PTPN1: variants seen among roughly 807,000 people sequenced by gnomAD.
PTPN1 encodes protein tyrosine phosphatase non-receptor type 1, also known as tyrosine-protein phosphatase non-receptor type 1.
In PTPN1, 12 loss-of-function variants were observed where a neutral mutation model predicts 59.9. The observed-to-expected ratio is 0.20, with a 90% CI of 0.13 to 0.32. The LOEUF (loss-of-function observed/expected upper bound fraction) is 0.32, where lower values mean the gene tolerates loss of function less well. PTPN1 is among the 10% of genes least tolerant of loss of function. The probability of loss-of-function intolerance (pLI) is 1.00; values close to 1 mark genes in which losing one functional copy is unlikely to be tolerated. For synonymous variants in PTPN1, 178 were observed against 203.6 expected, an observed-to-expected ratio of 0.87 and a Z score of 1.07; for missense variants, 356 against 549.2, an observed-to-expected ratio of 0.65 and a Z score of 3.52.
chr20:50,567,390 G>C (rs576942493), intron 3 of PTPN1, among the ~76,000 whole-genome samples: 10 of 152,020 alleles, frequency 6.6e-5, no homozygotes, highest in Non-Finnish European at 1.2e-4. Context: ...TTGCGCCCCT[G>C]TACTCCAGCC....
At chr20:50,519,028 C>T (rs2082540497) in intron 1 of PTPN1, among the ~76,000 whole-genome samples, 1 of 152,172 alleles carries the variant, frequency 6.6e-6, no homozygotes, top group African/African-American at 2.4e-5. Context: ...GTCTTACTGA[C>T]AGTTTTTCTT....
rs576296803 is a variant in PTPN1, at chr20:50,581,259, C to T, written c.1089-6C>T. The T allele has an allele frequency of 1.0e-5, 16 of 1,588,374 alleles. No homozygotes were observed. The highest frequency in any genetic ancestry group is 3.4e-5 in the Admixed American group (2 of 58,902). On this transcript the variant is annotated splice_polypyrimidine_tract_variant and splice_region_variant and intron_variant, in intron 8 of 9. Transcript: ENST00000371621. ...AGTAACCCATCTCTGCCCTCTGATT[C>T]CTCAGCATGAGTCAAGACACTGAAG...
intron 1 of PTPN1, among the ~76,000 whole-genome samples, chr20:50,541,717 C>T (rs1441356551): frequency 1.3e-5 from 2 of 152,198 alleles, no homozygotes; most frequent in Admixed American, 6.5e-5. Flanking sequence ...GCCGTCCCTT[C>T]TCCACCCTGG....
At chr20:50,561,271 C>T (rs2082751255) in intron 1 of PTPN1, 92 bp from the exon 2 acceptor site, 1 of 959,504 alleles carries the variant, frequency 1.0e-6, no homozygotes, top group African/African-American at 1.6e-5. Context: ...CTTGCATTTC[C>T]CATATTGCCC....
At position 50,582,823 on chromosome 20, in the gene PTPN1, A is replaced by C; in HGVS notation, c.*108A>C. On this transcript the variant is annotated 3_prime_UTR_variant, in exon 10 of 10. Coordinates refer to ENST00000371621, the MANE Select transcript of PTPN1 (RefSeq NM_002827.4). This position sits in a 1 kb window ranked among gnomAD's most constrained non-coding sequence, Gnocchi z 4.2. Reference sequence around the variant, plus strand: ...AGGTAAGGGCCGCCGGACCGCGTAGAGAGCCGGGCCCCGGACGGACGTTGG... The same window carrying C: ...AGGTAAGGGCCGCCGGACCGCGTAGCGAGCCGGGCCCCGGACGGACGTTGG... The C allele has an allele frequency of 1.4e-5, 20 of 1,389,054 alleles. No individual in the cohort carries two copies. Among genetic ancestry groups the C allele is most frequent in the Non-Finnish European group, 2.0e-5 (20 of 993,300 alleles). 86.0% of individuals were successfully genotyped at this position (1,389,054 alleles called of 1,614,324 possible). A position where few individuals can be genotyped will look rare whatever the true frequency, so the allele number is the denominator to read the frequency against.
rs1013203141 is a variant in PTPN1, at chr20:50,530,650, G to A, written c.63+20060G>A. ...GGGATTACAACTGCTGGGATTACAA[G>A]TGCTGGGATTACAAGCGTGAGCCAC... On this transcript the variant is annotated intron_variant, in intron 1 of 9. Transcript: ENST00000371621. Among the ~76,000 whole-genome samples, 6 of 150,382 alleles carry A rather than the reference G, an allele frequency of 4.0e-5. No homozygotes were observed. In the East Asian group the frequency reaches 7.8e-4, roughly 20 times the overall value.
intron 3 of PTPN1, among the ~76,000 whole-genome samples, chr20:50,567,909 CAAGT>C (rs754671262): frequency 7.9e-5 from 12 of 152,154 alleles, no homozygotes; most frequent in South Asian, 2.1e-4. Context: ...TATTATTAGT[CAAGT>C]AAGCGATGGG....
At position 50,554,669 on chromosome 20, in the gene PTPN1, TA is replaced by T. The variant is rs527362834; in HGVS notation, c.64-6692del. Among the ~76,000 whole-genome samples the T allele has an allele frequency of 1.8e-4, 28 of 152,230 alleles. No homozygotes were observed. The East Asian group carries it at 5.4e-3, about 29-fold the overall frequency. On this transcript the variant is annotated intron_variant, in intron 1 of 9. Coordinates refer to ENST00000371621, the MANE Select transcript of PTPN1 (RefSeq NM_002827.4). ...TAACATAGAAATAAAAAATGTATGA[TA>T]ATAGCATAAAGGATAAGTGGACAAA... is the stretch of plus-strand genomic sequence containing the variant.
chr20:50,531,689 G>A (rs1048496713), intron 1 of PTPN1, among the ~76,000 whole-genome samples: 2 of 152,134 alleles, frequency 1.3e-5, no homozygotes, highest in Non-Finnish European at 2.9e-5. Context: ...GAGTCTTATA[G>A]AAGCTGTCGT....
intron 5 of PTPN1, among the ~76,000 whole-genome samples, chr20:50,575,580 C>G (rs372229138): frequency 2.6e-5 from 4 of 152,312 alleles, no homozygotes; most frequent in African/African-American, 9.6e-5. Context: ...CCCATGCCTC[C>G]CCTTCTCAAG....
At chr20:50,581,560 C>A (rs1323859614) in intron 9 of PTPN1, 100 bp downstream of exon 9, 3 of 1,313,336 alleles carry the variant, frequency 2.3e-6, no homozygotes, top group African/African-American at 3.0e-5. Context: ...GCATCTGAGC[C>A]AGTCTCAGAA....
At position 50,534,546 on chromosome 20, in the gene PTPN1, G is replaced by A. The variant is rs150985509; in HGVS notation, c.63+23956G>A. On this transcript the variant is annotated intron_variant, in intron 1 of 9. Transcript: ENST00000371621. ...TGTAAGCTTGATTTTTGTTTTTACT[G>A]TAATTTTTTTTTCTTTTGCTGTATT... Among the ~76,000 whole-genome samples the A allele has an allele frequency of 3.4e-3, 518 of 152,074 alleles. 2 individuals carry two copies. The highest frequency in any genetic ancestry group is 0.034 in the Middle Eastern group (10 of 294).
At chr20:50,569,159 T>C (rs972770527) in intron 4 of PTPN1, among the ~76,000 whole-genome samples, 3 of 152,162 alleles carry the variant, frequency 2.0e-5, no homozygotes, top group Admixed American at 2.0e-4. Context: ...CTTTCTCAAA[T>C]CCAAGTCTCA....
intron 1 of PTPN1, among the ~76,000 whole-genome samples, chr20:50,554,053 A>G (rs1045745934): frequency 1.1e-4 from 16 of 152,178 alleles, no homozygotes; most frequent in Admixed American, 2.6e-4. Context: ...AATGAAAACT[A>G]TAAGCCTACA....
chr20:50,523,834 G>A (rs1259853851), intron 1 of PTPN1, among the ~76,000 whole-genome samples: 11 of 152,164 alleles, frequency 7.2e-5, no homozygotes, highest in Non-Finnish European at 1.6e-4. Flanking sequence ...GTGTATAAAG[G>A]TAATATCTAG....
chr20:50,561,285 T>C (rs1219650111), intron 1 of PTPN1, 78 bp from the exon 2 acceptor site: 3 of 1,108,052 alleles, frequency 2.7e-6, no homozygotes, highest in African/African-American at 1.6e-5. Flanking sequence ...ATTGCCCGGC[T>C]CTCTTTGATG....
At chr20:50,520,769 G>GGAAGAAGACGACTCAGGAA (rs1327978841) in intron 1 of PTPN1, among the ~76,000 whole-genome samples, 2 of 152,178 alleles carry the variant, frequency 1.3e-5, no homozygotes, top group Non-Finnish European at 2.9e-5. Flanking sequence ...GTGAGGTCAT[G>GGAAGAAGACGACTCAGGAA]GAAGAAGACG....
intron 1 of PTPN1, among the ~76,000 whole-genome samples, chr20:50,554,380 A>ATTCATTCTCTCTCTCTCTCTC (rs11481722): frequency 2.1e-5 from 3 of 140,200 alleles, no homozygotes. Flanking sequence ...GCAAGACCAC[A>ATTCATTCTCTCTCTCTCTCTC]TCTCTCTCTC....
chr20:50,561,871 G>A (rs560775173), intron 2 of PTPN1, among the ~76,000 whole-genome samples: 11 of 152,220 alleles, frequency 7.2e-5, no homozygotes, highest in African/African-American at 1.9e-4. Context: ...CGTCCCCTGC[G>A]CTGAATATGC....
Sources: gnomAD v4.1 joint callset for allele counts (sites outside exome capture counted in the v4.1 genomes callset) on GRCh38, gnomAD v4.1.1 for gene constraint, Gnocchi (gnomAD v3.1) non-coding constraint, MANE v1.5 for transcripts, NCBI Gene and HGNC (gene_info 2026-07-23, HGNC 2026-07-21) for gene names.